CSMD1: variants seen among roughly 807,000 people sequenced by gnomAD.
CSMD1 encodes the protein CUB and sushi domain-containing protein 1.
CSMD1 carries 213 observed loss-of-function variants against 417.5 expected under a neutral mutation model. That is an observed-to-expected ratio of 0.51 (90% confidence interval 0.46 to 0.57). CSMD1 has a LOEUF of 0.57. Among genes scored for constraint, CSMD1 ranks in the 20% least tolerant of loss-of-function variants. The probability of loss-of-function intolerance (pLI) is 0.00; values close to 1 mark genes in which losing one functional copy is unlikely to be tolerated. For synonymous variants in CSMD1, 2,862 were observed against 1,736.8 expected, an observed-to-expected ratio of 1.65 and a Z score of -16.11; for missense variants, 6,923 against 4,529.7, an observed-to-expected ratio of 1.53 and a Z score of -15.17.
rs142834404 is a variant in CSMD1, at chr8:4,833,330, G to T, written c.85+161002C>A. Among the ~76,000 whole-genome samples, 919 of 152,274 alleles carry T rather than the reference G, an allele frequency of 6.0e-3. 16 individuals carry two copies. The highest frequency in any genetic ancestry group is 0.021 in the African/African-American group (875 of 41,560). ...GAAGCAAGCATGTCTTCATGTGGCA[G>T]CAGAAGACAATGGTGAAGGAGGAAG... On this transcript the variant is annotated intron_variant, in intron 1 of 69. Coordinates refer to ENST00000635120, the MANE Select transcript of CSMD1 (RefSeq NM_033225.6).
chr8:4,081,487 C>T (rs770943597), intron 3 of CSMD1, among the ~76,000 whole-genome samples: 9 of 152,168 alleles, frequency 5.9e-5, no homozygotes, highest in South Asian at 2.1e-4. Context: ...ATTAGCCCTA[C>T]AGGGAGGCTC....
intron 69 of CSMD1, among the ~76,000 whole-genome samples, chr8:2,941,858 GA>G (rs2128913246): frequency 1.3e-5 from 2 of 152,304 alleles, no homozygotes; most frequent in South Asian, 4.1e-4. Context: ...CCTTTTGCTG[GA>G]AGGTTGAAAT....
At chr8:3,629,653 G>A (rs1181837526) in intron 7 of CSMD1, among the ~76,000 whole-genome samples, 3 of 152,134 alleles carry the variant, frequency 2.0e-5, no homozygotes, top group Non-Finnish European at 4.4e-5. Flanking sequence ...ATCAAGGAAT[G>A]TTATAATACA....
intron 6 of CSMD1, among the ~76,000 whole-genome samples, chr8:3,726,644 T>C (rs1041635867): frequency 5.9e-5 from 9 of 152,188 alleles, no homozygotes; most frequent in African/African-American, 1.4e-4. Context: ...CTTTTTTATG[T>C]TCCATCATAC....
At chr8:3,691,902 G>C (rs76904276) in intron 7 of CSMD1, among the ~76,000 whole-genome samples, 213 of 152,208 alleles carry the variant, frequency 1.4e-3, no homozygotes, top group African/African-American at 5.0e-3. Context: ...TCAAGATTAA[G>C]CATGTTTCAC....
At chr8:3,156,961 G>C (rs1432801812) in intron 39 of CSMD1, among the ~76,000 whole-genome samples, 5 of 128,962 alleles carry the variant, frequency 3.9e-5, no homozygotes, top group African/African-American at 1.5e-4. Context: ...GAAATTTAAG[G>C]TAATACCCAG....
chr8:3,829,496 T>C lies in CSMD1; in HGVS notation c.819-75454A>G, dbSNP rs569807605. The stretch of plus-strand genomic sequence containing the variant: ...GCCACCCTGCTGTTCTTGAGTATTT[T>C]TCCTTTGTCCCTCTGTCCTGCACCA... On this transcript the variant is annotated intron_variant, in intron 5 of 69. Coordinates refer to ENST00000635120, the MANE Select transcript of CSMD1 (RefSeq NM_033225.6). Among the ~76,000 whole-genome samples, 10 of 152,290 alleles carry C rather than the reference T, an allele frequency of 6.6e-5. No individual in the cohort carries two copies. In the South Asian group the frequency reaches 2.1e-3, roughly 32 times the overall value.
At chr8:3,246,912 T>A (rs1298729742) in intron 26 of CSMD1, among the ~76,000 whole-genome samples, 1 of 152,242 alleles carries the variant, frequency 6.6e-6, no homozygotes, top group Non-Finnish European at 1.5e-5. Flanking sequence ...TCTCTTTTTT[T>A]GCTGTAGAAA....
intron 3 of CSMD1, among the ~76,000 whole-genome samples, chr8:4,065,123 T>G (rs1294291879): frequency 6.6e-6 from 1 of 152,240 alleles, no homozygotes; most frequent in African/African-American, 2.4e-5. Flanking sequence ...CTAGTTTATG[T>G]TTTTAGAGTT....
chr8:4,061,206 G>C (rs781732312), intron 3 of CSMD1, among the ~76,000 whole-genome samples: 6 of 152,142 alleles, frequency 3.9e-5, no homozygotes, highest in African/African-American at 9.7e-5. Flanking sequence ...GCCCTTTTAG[G>C]AACCCAGCCC....
intron 3 of CSMD1, among the ~76,000 whole-genome samples, chr8:4,184,095 A>G (rs966702325): frequency 6.6e-6 from 1 of 152,240 alleles, no homozygotes; most frequent in Non-Finnish European, 1.5e-5. Context: ...TGAAAACTAC[A>G]TTTTAGGAAT....
At chr8:4,441,537 C>G (rs912457447) in intron 2 of CSMD1, among the ~76,000 whole-genome samples, 12 of 151,956 alleles carry the variant, frequency 7.9e-5, no homozygotes, top group Non-Finnish European at 1.5e-4. Context: ...TTTTCATGTG[C>G]AAAACATAGA....
chr8:3,114,437 A>G (rs2129017444), intron 42 of CSMD1, among the ~76,000 whole-genome samples: 1 of 149,570 alleles, frequency 6.7e-6, no homozygotes, highest in East Asian at 1.9e-4. Context: ...AAAATATAAT[A>G]AATATGTTAT....
intron 11 of CSMD1, among the ~76,000 whole-genome samples, chr8:3,470,052 A>G (rs1816999215): frequency 6.6e-6 from 1 of 151,490 alleles, no homozygotes; most frequent in Admixed American, 6.6e-5. Flanking sequence ...GAATTTTTAC[A>G]AAGTGAACCG....
At chr8:4,359,773 G>A (rs1165445305) in intron 3 of CSMD1, among the ~76,000 whole-genome samples, 1 of 152,210 alleles carries the variant, frequency 6.6e-6, no homozygotes, top group Non-Finnish European at 1.5e-5. Context: ...ACGTCAAGGA[G>A]TTGGTAAAGA....
chr8:4,563,311 G>A (rs575635212), intron 2 of CSMD1, among the ~76,000 whole-genome samples: 4 of 152,308 alleles, frequency 2.6e-5, no homozygotes, highest in South Asian at 4.1e-4. Context: ...TGAAGCAGGA[G>A]AATGGCGTGA....
At chr8:4,913,756 G>A (rs1318449808) in intron 1 of CSMD1, among the ~76,000 whole-genome samples, 1 of 152,134 alleles carries the variant, frequency 6.6e-6, no homozygotes, top group Non-Finnish European at 1.5e-5. Context: ...TTGTCCATGT[G>A]TTACCAGAAT....
rs34787742 is a variant in CSMD1, at chr8:4,330,589, C to CAAAA, written c.415+89360_415+89363dup. On this transcript the variant is annotated intron_variant, in intron 3 of 69. Transcript: ENST00000635120. ...TGGGCAACAGAGTGAAACCCTGTCT[C>CAAAA]AAAAAAAAAAAAAGTATTTTGTAAT... 2.3e-3 allele frequency among the ~76,000 whole-genome samples: 328 copies of CAAAA among 143,628 alleles called. 3 individuals carry two copies. The highest frequency in any genetic ancestry group is 7.1e-3 in the Middle Eastern group (2 of 282). 94.2% of individuals were successfully genotyped at this position (143,628 alleles called of 152,430 possible).
chr8:3,489,018 G>C (rs1048425028), intron 11 of CSMD1, among the ~76,000 whole-genome samples: 2 of 152,076 alleles, frequency 1.3e-5, no homozygotes, highest in Non-Finnish European at 2.9e-5. Context: ...TACATGTTTA[G>C]TGATTAACTC....
Sources: allele counts gnomAD v4.1 joint callset (sites outside exome capture counted in the v4.1 genomes callset), GRCh38; gene constraint gnomAD v4.1.1; transcripts MANE v1.5; gene names NCBI Gene and HGNC (gene_info 2026-07-23, HGNC 2026-07-21).